Variants in MAK observed in about 807,000 individuals in gnomAD.
The protein encoded by MAK is male germ cell associated kinase.
MAK carries 65 observed loss-of-function variants against 82.6 expected under a neutral mutation model. The ratio of observed to expected loss-of-function variants is 0.79; its 90% CI spans 0.64 to 0.97. The LOEUF (loss-of-function observed/expected upper bound fraction) is 0.97. MAK is among the 50% of genes least tolerant of loss of function. MAK has a pLI of 0.00. For synonymous variants in MAK, 250 were observed against 274.2 expected, an observed-to-expected ratio of 0.91 and a Z score of 0.87; for missense variants, 703 against 780.2, an observed-to-expected ratio of 0.90 and a Z score of 1.18.
At chr6:10,769,077 G>A (rs1226104406) in intron 14 of MAK, among the ~76,000 whole-genome samples, 2 of 152,104 alleles carry the variant, frequency 1.3e-5, no homozygotes, top group Non-Finnish European at 2.9e-5. Flanking sequence ...AGCTGGGCAC[G>A]GTCGTGTGTG....
chr6:10,825,958 C>T (rs909120999), intron 2 of MAK, among the ~76,000 whole-genome samples: 2 of 152,170 alleles, frequency 1.3e-5, no homozygotes, highest in Non-Finnish European at 2.9e-5. Context: ...CCTCTTCAAT[C>T]GTCTCCACTC....
At chr6:10,808,736 A>G in intron 6 of MAK, 74 bp downstream of exon 6, 2 of 1,395,926 alleles carry the variant, frequency 1.4e-6, no homozygotes, top group East Asian at 2.3e-5. Context: ...ACTTCCAGAA[A>G]TATGTAACAA....
intron 1 of MAK, among the ~76,000 whole-genome samples, chr6:10,834,659 A>T (rs757641141): frequency 3.3e-5 from 5 of 152,158 alleles, no homozygotes; most frequent in Non-Finnish European, 7.3e-5. Flanking sequence ...CTAAACCCTA[A>T]TGCTACATCT....
chr6:10,788,092 G>C (rs907068018), intron 10 of MAK, among the ~76,000 whole-genome samples: 1 of 151,572 alleles, frequency 6.6e-6, no homozygotes, highest in African/African-American at 2.4e-5. Context: ...CCAAGCTCAA[G>C]CAATCCTCTC....
At chr6:10,815,708 C>G (rs188852752) in intron 4 of MAK, among the ~76,000 whole-genome samples, 1 of 151,594 alleles carries the variant, frequency 6.6e-6, no homozygotes, top group African/African-American at 2.4e-5. Context: ...GCAATCCTCC[C>G]GCCTTGGCCT....
rs1198034646 is a variant in MAK at position 10,797,872 on chromosome 6, G to A, written c.832-1563C>T. On this transcript the variant is annotated intron_variant, in intron 8 of 14. Transcript: ENST00000354489. ...TCTTTCCACTTCCACTAAAAAGCAG[G>A]GCTGTGAAACAGAGCACAAGAAAGA... is the stretch of plus-strand genomic sequence containing the variant. 11 of 1,283,690 alleles carry A rather than the reference G, an allele frequency of 8.6e-6. No homozygotes were observed. In the Admixed American group the frequency reaches 2.4e-4, roughly 28 times the overall value. The allele number at this position is 1,283,690 out of a possible 1,614,324, so 79.5% of individuals were successfully genotyped here.
chr6:10,775,335 G>T lies in MAK; in HGVS notation c.1590C>A (p.Ser530Arg), dbSNP rs2127518883. 8 of 1,613,210 alleles carry T rather than the reference G, an allele frequency of 5.0e-6. No individual in the cohort carries two copies. Among genetic ancestry groups the T allele is most frequent in the Non-Finnish European group, 6.8e-6 (8 of 1,179,400 alleles). ...TTTGTATTCTTGCGTTACCTGCATT[G>T]CTCCTTTTGAAAGCAAGTTCTGCCC... is the stretch of plus-strand genomic sequence containing the variant. The part of the protein sequence containing the change: ...PVGAELAFKR[S>R]NAEESIIKPI... The change falls in exon 12 of 15, where the codon AGC (serine) becomes AGA (arginine). Residue 530 changes from serine (S) to arginine (R), a missense_variant. Transcript: ENST00000354489.
rs1191137276 is a variant in MAK at position 10,800,384 on chromosome 6, G to A, written c.831+1508C>T. Among the ~76,000 whole-genome samples the A allele has an allele frequency of 6.6e-6, 1 of 151,916 alleles. No homozygotes were observed. The highest frequency in any genetic ancestry group is 1.5e-5 in the Non-Finnish European group (1 of 67,998). On this transcript the variant is annotated intron_variant, in intron 8 of 14. Coordinates refer to ENST00000354489, the MANE Select transcript of MAK (RefSeq NM_001242957.3). This position sits in a 1 kb window ranked among gnomAD's most constrained non-coding sequence, Gnocchi z 4.2. ...CTTTCCATTTTAAGATTTTTACATAGAGAAAAATTTTACTTTTTATGTAAT... is the reference window on the plus strand; with the variant it reads ...CTTTCCATTTTAAGATTTTTACATAAAGAAAAATTTTACTTTTTATGTAAT...
intron 2 of MAK, among the ~76,000 whole-genome samples, chr6:10,820,852 CAG>C (rs1268763001): frequency 6.6e-6 from 1 of 152,190 alleles, no homozygotes; most frequent in Non-Finnish European, 1.5e-5. Flanking sequence ...TAAAATAAAA[CAG>C]AAGCCAATTC....
chr6:10,802,106 G>A, intron 7 of MAK, 47 bp from the exon 8 acceptor site: 1 of 1,503,494 alleles, frequency 6.7e-7, no homozygotes, highest in Non-Finnish European at 9.2e-7. Context: ...AAAACAAATT[G>A]TTTTTAGTAA....
chr6:10,781,869 C>G (rs1033816060), intron 11 of MAK, among the ~76,000 whole-genome samples: 19 of 152,116 alleles, frequency 1.2e-4, no homozygotes, highest in Admixed American at 6.6e-5. Context: ...ATGTCTCACT[C>G]TGGTGCCACA....
At chr6:10,795,647 G>T (rs915278668) in intron 9 of MAK, among the ~76,000 whole-genome samples, 3 of 152,076 alleles carry the variant, frequency 2.0e-5, no homozygotes, top group Admixed American at 6.6e-5. Flanking sequence ...GGGAGGCTGA[G>T]GCAGGAGAAT....
At chr6:10,827,707 A>C (rs1274674147) in intron 2 of MAK, 1 of 152,166 alleles carries the variant, frequency 6.6e-6, no homozygotes, top group Non-Finnish European at 1.5e-5. Context: ...ATAGGGTCTC[A>C]CTAGGTCACC....
chr6:10,825,895 A>G (rs1315636339), intron 2 of MAK, among the ~76,000 whole-genome samples: 1 of 152,052 alleles, frequency 6.6e-6, no homozygotes, highest in East Asian at 1.9e-4. Context: ...TCTAACCTCT[A>G]ACCAAGATGA....
At chr6:10,769,700 C>A (rs190812265) in intron 14 of MAK, among the ~76,000 whole-genome samples, 11 of 152,332 alleles carry the variant, frequency 7.2e-5, no homozygotes, top group African/African-American at 2.4e-4. Flanking sequence ...TCTCTCTGTG[C>A]AGCACAGCAC....
chr6:10,832,016 G>A (rs941810517), intron 1 of MAK, among the ~76,000 whole-genome samples: 5 of 152,102 alleles, frequency 3.3e-5, no homozygotes, highest in Admixed American at 6.6e-5. Flanking sequence ...TGTAACCTCC[G>A]CCTCCCAGGT....
At chr6:10,767,320 G>A (rs1772541940) in intron 14 of MAK, among the ~76,000 whole-genome samples, 1 of 152,176 alleles carries the variant, frequency 6.6e-6, no homozygotes, top group Non-Finnish European at 1.5e-5. Context: ...ACAGCCCTGG[G>A]AGGATTAATG....
Position 10,800,845 on chromosome 6 carries a change from A to G in MAK, c.831+1047T>C, listed in dbSNP as rs929266705. 2.7e-4 allele frequency among the ~76,000 whole-genome samples: 41 copies of G among 151,872 alleles called. No homozygotes were observed. The highest frequency in any genetic ancestry group is 9.9e-4 in the African/African-American group (41 of 41,292). On this transcript the variant is annotated intron_variant, in intron 8 of 14. Coordinates refer to ENST00000354489, the MANE Select transcript of MAK (RefSeq NM_001242957.3). This position sits in a 1 kb window ranked among gnomAD's most constrained non-coding sequence, Gnocchi z 4.2. Reference sequence around the variant, plus strand: ...ACAAGAGTGAAACTCCATCTCAACAACAACAACAAAATGTAACCCTTCTGT... The same window carrying G: ...ACAAGAGTGAAACTCCATCTCAACAGCAACAACAAAATGTAACCCTTCTGT...
Position 10,778,383 on chromosome 6 carries a change from A to G in MAK, c.1466-2924T>C, listed in dbSNP as rs996701524. Among the ~76,000 whole-genome samples, 7 of 152,270 alleles carry G rather than the reference A, an allele frequency of 4.6e-5. No homozygotes were observed. The East Asian group carries it at 1.3e-3, about 29-fold the overall frequency. On this transcript the variant is annotated intron_variant, in intron 11 of 14. Transcript: ENST00000354489. ...AGCCAGTCTTTCTTTCAAATAAGCA[A>G]TTTTAAGCTGAAATGTGAATCATGA... is the stretch of plus-strand genomic sequence containing the variant.
Sources: gnomAD v4.1 joint callset for allele counts (sites outside exome capture counted in the v4.1 genomes callset) on GRCh38, gnomAD v4.1.1 for gene constraint, Gnocchi (gnomAD v3.1) non-coding constraint, MANE v1.5 for transcripts, NCBI Gene and HGNC (gene_info 2026-07-23, HGNC 2026-07-21) for gene names.